The following PUDP variants were observed in gnomAD, a reference collection of about 807,000 sequenced individuals.
The protein encoded by PUDP is pseudouridine-5'-phosphatase.
In PUDP, 8 loss-of-function variants were observed where a neutral mutation model predicts 9.4. The observed-to-expected ratio is 0.85, with a 90% CI of 0.50 to 1.53. The LOEUF (loss-of-function observed/expected upper bound fraction) is 1.53, where lower values mean the gene tolerates loss of function less well. PUDP is among the 40% of genes most tolerant of loss of function. PUDP has a pLI of 0.00. For synonymous variants in PUDP, 99 were observed against 80.7 expected (o/e 1.23, Z -1.22); for missense variants, 188 against 189.7 (o/e 0.99, Z 0.05).
chrX:7,093,134 C>G (rs751967062), intron 2 of PUDP, among the ~76,000 whole-genome samples: 1 of 111,848 alleles, frequency 8.9e-6, no homozygotes, highest in Non-Finnish European at 1.9e-5. Context: ...AGGTGAAACT[C>G]TGTCCCCATT....
chrX:6,750,512 C>T (rs896619263), intron 3 of PUDP, among the ~76,000 whole-genome samples: 10 of 111,175 alleles, frequency 9.0e-5, no homozygotes, highest in African/African-American at 2.9e-4. Context: ...GATTTTCTCA[C>T]TTCAGGTGCT....
At chrX:6,931,746 G>A (rs1360348578) in intron 3 of PUDP, among the ~76,000 whole-genome samples, 3 of 111,091 alleles carry the variant, frequency 2.7e-5, no homozygotes, top group East Asian at 2.9e-4. Context: ...GGACCCAGAC[G>A]ACATCCAGAC....
At chrX:6,870,021 A>G (rs139876970) in intron 3 of PUDP, among the ~76,000 whole-genome samples, 2 of 111,413 alleles carry the variant, frequency 1.8e-5, no homozygotes, top group Non-Finnish European at 3.8e-5. Flanking sequence ...GCGTTCATCA[A>G]TGGATAAATG....
chrX:6,961,456 C>T (rs1359876379), intron 3 of PUDP, among the ~76,000 whole-genome samples: 1 of 111,638 alleles, frequency 9.0e-6, no homozygotes, highest in African/African-American at 3.3e-5. Context: ...TCCACCAAAG[C>T]ATGCTTGCAT....
chrX:7,052,905 G>A (rs891710654), intron 3 of PUDP, among the ~76,000 whole-genome samples: 2 of 111,679 alleles, frequency 1.8e-5, no homozygotes, highest in Non-Finnish European at 3.8e-5. Context: ...ACCGTAGGAC[G>A]CGAGAAGAAA....
At chrX:7,057,557 T>C (rs1396031663) in intron 3 of PUDP, 3 of 880,126 alleles carry the variant, frequency 3.4e-6, no homozygotes, top group Non-Finnish European at 4.6e-6. Flanking sequence ...CTGATTCTCA[T>C]GTTTCTGATG....
At chrX:7,014,511 G>A (rs1427956520) in intron 1 of PUDP, among the ~76,000 whole-genome samples, 1 of 111,107 alleles carries the variant, frequency 9.0e-6, no homozygotes, top group East Asian at 2.8e-4. Flanking sequence ...TTTTGGTAGG[G>A]GCAGACTTGG....
Position 6,906,276 on chromosome X carries a change from T to A in PUDP, c.*247+70857A>T, listed in dbSNP as rs772009535. On this transcript the variant is annotated intron_variant and NMD_transcript_variant, in intron 3 of 3. Transcript: ENST00000655425. Reference sequence around the variant, plus strand: ...CTTCATACCATAAGACACGAAATAATTGACGACAACAGGCACAAGTTTCCA... The same window carrying A: ...CTTCATACCATAAGACACGAAATAAATGACGACAACAGGCACAAGTTTCCA... Among the ~76,000 whole-genome samples, 267 of 111,877 alleles carry A rather than the reference T, an allele frequency of 2.4e-3. 2 individuals are homozygous for A. Among genetic ancestry groups the A allele is most frequent in the African/African-American group, 8.4e-3 (260 of 30,836 alleles).
rs1001680726 is a variant in PUDP at position 6,900,176 on chromosome X, T to G, written c.*247+76957A>C. Reference sequence around the variant, plus strand: ...CTGTAGTGAGCTATGATTATGCCACTGCACTCCAGCCTGGGCAAGAGAGCA... The same window carrying G: ...CTGTAGTGAGCTATGATTATGCCACGGCACTCCAGCCTGGGCAAGAGAGCA... On this transcript the variant is annotated intron_variant and NMD_transcript_variant, in intron 3 of 3. Transcript: ENST00000655425. 2.2e-4 allele frequency among the ~76,000 whole-genome samples: 25 copies of G among 111,523 alleles called. 1 individual carries two copies. Among genetic ancestry groups the G allele is most frequent in the South Asian group, 3.8e-4 (1 of 2,615 alleles).
At chrX:6,774,678 G>A (rs1925420006) in intron 3 of PUDP, among the ~76,000 whole-genome samples, 1 of 112,018 alleles carries the variant, frequency 8.9e-6, no homozygotes, top group Non-Finnish European at 1.9e-5. Flanking sequence ...GCTGTGGCTG[G>A]TTCATGGACA....
chrX:7,036,784 G>A (rs1384860000), intron 1 of PUDP, among the ~76,000 whole-genome samples: 33 of 111,295 alleles, frequency 3.0e-4, no homozygotes, highest in Admixed American at 6.7e-4. Flanking sequence ...GACTCTGTCT[G>A]CTCCCTTTTC....
intron 3 of PUDP, among the ~76,000 whole-genome samples, chrX:6,951,283 TATCCATCC>T (rs747575376): frequency 9.2e-6 from 1 of 108,278 alleles, no homozygotes; most frequent in East Asian, 2.9e-4. Context: ...CTAATCTATC[TATCCATCC>T]ATCCATCCAT....
chrX:6,754,378 G>C (rs1157301417), intron 3 of PUDP, among the ~76,000 whole-genome samples: 1 of 111,062 alleles, frequency 9.0e-6, no homozygotes, highest in Non-Finnish European at 1.9e-5. Context: ...GGAACTGTGA[G>C]TCCATTAAAC....
chrX:6,953,646 C>A (rs1423546759), intron 3 of PUDP, among the ~76,000 whole-genome samples: 1 of 111,017 alleles, frequency 9.0e-6, no homozygotes, highest in Non-Finnish European at 1.9e-5. Flanking sequence ...GGACACACTC[C>A]TACAGAAATG....
intron 3 of PUDP, among the ~76,000 whole-genome samples, chrX:6,734,523 A>G (rs1371921204): frequency 8.9e-6 from 1 of 112,196 alleles, no homozygotes; most frequent in African/African-American, 3.2e-5. Context: ...CTGTAATCCC[A>G]GTGCTTTGGG....
Position 6,962,235 on chromosome X carries a change from TAA to T in PUDP, c.*247+14896_*247+14897del, listed in dbSNP as rs35990736. On this transcript the variant is annotated intron_variant and NMD_transcript_variant, in intron 3 of 3. Transcript: ENST00000655425. ...ATTTAGCATGGTCTGCCTCTGAGGT[TAA>T]AAAAAAAGCCAAATAAAATAGCACA... is the stretch of plus-strand genomic sequence containing the variant. 2.8e-5 allele frequency among the ~76,000 whole-genome samples: 3 copies of T among 109,082 alleles called. No homozygotes were observed. The Admixed American group carries it at 3.0e-4, about 11-fold the overall frequency. 94.7% of individuals were successfully genotyped at this position (109,082 alleles called of 115,157 possible).
intron 3 of PUDP, among the ~76,000 whole-genome samples, chrX:6,918,354 TC>T (rs1220617151): frequency 8.9e-6 from 1 of 112,028 alleles, no homozygotes; most frequent in Non-Finnish European, 1.9e-5. Context: ...AAATTCAATG[TC>T]CCCCAGTTCC....
chrX:6,816,230 T>C (rs1926231138), intron 3 of PUDP, among the ~76,000 whole-genome samples: 1 of 106,110 alleles, frequency 9.4e-6, no homozygotes. Context: ...ATACACTATA[T>C]GCATAGTATA....
chrX:6,915,626 C>G (rs755533331), intron 3 of PUDP, among the ~76,000 whole-genome samples: 11 of 112,179 alleles, frequency 9.8e-5, no homozygotes, highest in Non-Finnish European at 1.9e-4. Flanking sequence ...GTCTTGCCTA[C>G]TAAATAGATT....
Sources: allele counts gnomAD v4.1 joint callset (sites outside exome capture counted in the v4.1 genomes callset), GRCh38; gene constraint gnomAD v4.1.1; transcripts MANE v1.5; gene names NCBI Gene and HGNC (gene_info 2026-07-23, HGNC 2026-07-21).